MYO9A: variants seen among roughly 807,000 people sequenced by gnomAD.
The protein encoded by MYO9A is unconventional myosin-IXa.
In MYO9A, 103 loss-of-function variants were observed where a neutral mutation model predicts 293.3. That is an observed-to-expected ratio of 0.35 (90% CI 0.30 to 0.41). The LOEUF (loss-of-function observed/expected upper bound fraction) is 0.41, where lower values mean the gene tolerates loss of function less well. MYO9A is among the 10% of genes least tolerant of loss of function. The pLI is 1.00. For synonymous variants in MYO9A, 1,001 were observed against 1,035.7 expected (o/e 0.97, Z 0.64); for missense variants, 2,685 against 3,033.0 (o/e 0.89, Z 2.69).
At chr15:71,933,547 C>T in intron 18 of MYO9A, 123 bp downstream of exon 18, 1 of 897,508 alleles carries the variant, frequency 1.1e-6, no homozygotes, top group Non-Finnish European at 1.8e-6. Context: ...ACTAAGTGCA[C>T]GATCACTATC....
Position 71,899,750 on chromosome 15 carries a change from T to C in MYO9A, c.3407A>G (p.Gln1136Arg). ...AAGGATAATTTTTTTCCTTTGTTCT[T>C]GGTACCTTTTACTTTCCCTGTAGGC... ...WKAYRESKRY[Q>R]EQRKKIILLQ... is the part of the protein sequence containing the mutation. The change falls in exon 24 of 42, where the codon CAA (glutamine) becomes CGA (arginine). Residue 1136 changes from glutamine (Q) to arginine (R), a missense_variant. This residue lies in a region of MYO9A where 1,434 missense variants were observed against 1,497.7 expected (regional missense o/e 0.96). Coordinates refer to ENST00000356056, the MANE Select transcript of MYO9A (RefSeq NM_006901.4). The C allele has an allele frequency of 6.2e-7, 1 of 1,614,206 alleles. No homozygotes were observed.
chr15:72,015,887 AC>A (rs1470803173), intron 6 of MYO9A, among the ~76,000 whole-genome samples: 1 of 151,810 alleles, frequency 6.6e-6, no homozygotes, highest in Non-Finnish European at 1.5e-5. Context: ...ACGGGGTTTC[AC>A]CGTGTTAGCC....
Position 71,951,970 on chromosome 15 carries a change from G to A in MYO9A, c.2183-74C>T. On this transcript the variant is annotated intron_variant, in intron 14 of 41. Transcript: ENST00000356056. Reference sequence around the variant, plus strand: ...GACATTATATAAGCCCAAACCAACAGAGAATCAAGGACAATGCTGCCAACT... The same window carrying A: ...GACATTATATAAGCCCAAACCAACAAAGAATCAAGGACAATGCTGCCAACT... 4 of 1,467,666 alleles carry A rather than the reference G, an allele frequency of 2.7e-6. 1 individual carries two copies. In the South Asian group the frequency reaches 5.8e-5, roughly 21 times the overall value. 90.9% of individuals were successfully genotyped at this position (1,467,666 alleles called of 1,614,324 possible).
intron 1 of MYO9A, among the ~76,000 whole-genome samples, chr15:72,067,080 G>C (rs1281917816): frequency 8.3e-6 from 1 of 119,994 alleles, no homozygotes; most frequent in African/African-American, 2.7e-5. Context: ...TAGCAATATT[G>C]ATAATTATAT....
At chr15:72,113,769 T>C (rs188700858) in intron 1 of MYO9A, among the ~76,000 whole-genome samples, 130 of 151,880 alleles carry the variant, frequency 8.6e-4, no homozygotes, top group African/African-American at 3.0e-3. Context: ...TGGCCAAGAG[T>C]GGTGACATAA....
chr15:71,996,858 G>A (rs956218978), intron 9 of MYO9A, among the ~76,000 whole-genome samples: 3 of 151,870 alleles, frequency 2.0e-5, no homozygotes, highest in African/African-American at 7.3e-5. Context: ...GGGGGTACAA[G>A]TTCTATATAA....
chr15:71,939,406 CA>C (rs1332135866), intron 15 of MYO9A, among the ~76,000 whole-genome samples: 6 of 152,146 alleles, frequency 3.9e-5, no homozygotes, highest in Admixed American at 2.6e-4. Context: ...CCTTCGTGTT[CA>C]TAAGTTTTTA....
At chr15:72,061,972 A>G (rs764695551) in intron 1 of MYO9A, among the ~76,000 whole-genome samples, 9 of 152,290 alleles carry the variant, frequency 5.9e-5, no homozygotes, top group Non-Finnish European at 1.0e-4. Context: ...CACCTCCCCA[A>G]TTCCAGGCAG....
chr15:71,964,313 G>A (rs1307654607), intron 13 of MYO9A, among the ~76,000 whole-genome samples: 1 of 152,064 alleles, frequency 6.6e-6, no homozygotes, highest in African/African-American at 2.4e-5. Context: ...TCCTTTGAGT[G>A]TGATTTCTCT....
chr15:71,978,268 T>C lies in MYO9A; in HGVS notation c.1747A>G (p.Ser583Gly). ...TCAATGTAATCTATGTTGTGCCAGC[T>C]GATACCTTCAGTTCTATATTCCTCC... ...EQEEYRTEGI[S>G]WHNIDYIDNT... The change falls in exon 12 of 42, where the codon AGC becomes GGC. Residue 583 changes from serine to glycine, a missense_variant. Transcript: ENST00000356056. 1 of 1,609,630 alleles carries C rather than the reference T, an allele frequency of 6.2e-7. No homozygotes were observed. Among genetic ancestry groups the C allele is most frequent in the African/African-American group, 1.3e-5 (1 of 74,870 alleles).
chr15:71,897,883 C>T lies in MYO9A; in HGVS notation c.4620G>A (p.Glu1540=). The change falls in exon 25 of 42, where the codon GAG becomes GAA. Residue 1540 remains glutamate (E), a synonymous_variant. Transcript: ENST00000356056. ...FKTIEKPRIG[E]CLVAPSSYQS... is the part of the protein sequence containing the mutation. ...GATAGGAAGATGGTGCCACCAAACA[C>T]TCTCCAATTCTTGGCTTTTCAATTG... 6.2e-7 allele frequency: 1 copy of T among 1,614,152 alleles called. No individual in the cohort carries two copies. Among genetic ancestry groups the T allele is most frequent in the South Asian group, 1.1e-5 (1 of 91,082 alleles).
intron 2 of MYO9A, among the ~76,000 whole-genome samples, chr15:72,035,426 A>C (rs750155565): frequency 2.6e-5 from 4 of 152,234 alleles, no homozygotes; most frequent in Admixed American, 6.5e-5. Flanking sequence ...AAATAATGGA[A>C]TACTACTCAC....
At chr15:71,922,174 T>C (rs2058173855) in intron 18 of MYO9A, among the ~76,000 whole-genome samples, 1 of 152,226 alleles carries the variant, frequency 6.6e-6, no homozygotes, top group Non-Finnish European at 1.5e-5. Flanking sequence ...ACACAGGGTT[T>C]CACCATGTTG....
At chr15:71,988,972 G>A (rs991337918) in intron 11 of MYO9A, among the ~76,000 whole-genome samples, 3 of 152,084 alleles carry the variant, frequency 2.0e-5, no homozygotes, top group African/African-American at 7.2e-5. Context: ...TCGGCTCACT[G>A]CAACCTACGC....
rs1470351742 is a variant in MYO9A, at chr15:71,826,560, A to G, written c.*20T>C. On this transcript the variant is annotated 3_prime_UTR_variant, in exon 42 of 42. Transcript: ENST00000356056. Reference sequence around the variant, plus strand: ...TTTGTTTACCACTCTGTAGCCACGGAGGGACACACATCTGCCGGTTCAGAC... The same window carrying G: ...TTTGTTTACCACTCTGTAGCCACGGGGGGACACACATCTGCCGGTTCAGAC... 6.4e-7 allele frequency: 1 copy of G among 1,555,884 alleles called. No individual in the cohort carries two copies.
intron 18 of MYO9A, among the ~76,000 whole-genome samples, chr15:71,929,963 G>C (rs1184530236): frequency 6.6e-6 from 1 of 152,042 alleles, no homozygotes; most frequent in Non-Finnish European, 1.5e-5. Flanking sequence ...ATGAGTTTGA[G>C]GTATTCTCTC....
chr15:71,908,352 A>G (rs1377471648), intron 19 of MYO9A, among the ~76,000 whole-genome samples: 4 of 151,944 alleles, frequency 2.6e-5, no homozygotes, highest in Non-Finnish European at 4.4e-5. Context: ...TTTAGTAGAG[A>G]CGAGGTTTCA....
chr15:71,861,465 A>AAT (rs1397805843), intron 33 of MYO9A, among the ~76,000 whole-genome samples: 6 of 147,824 alleles, frequency 4.1e-5, no homozygotes, highest in East Asian at 3.9e-4. Flanking sequence ...TATGTAAAAT[A>AAT]ATATATATAT....
At chr15:71,830,079 C>T (rs2054656597) in intron 40 of MYO9A, 30 bp downstream of exon 40, 2 of 1,602,306 alleles carry the variant, frequency 1.2e-6, no homozygotes, top group Non-Finnish European at 1.7e-6. Context: ...CAGACTATAA[C>T]TGTCTCTCCC....
Sources: gnomAD v4.1 joint callset for allele counts (sites outside exome capture counted in the v4.1 genomes callset) on GRCh38, gnomAD v4.1.1 for gene constraint, gnomAD v4.1.1 regional missense constraint, MANE v1.5 for transcripts, NCBI Gene and HGNC (gene_info 2026-07-23, HGNC 2026-07-21) for gene names.